RBM6: variants seen among roughly 807,000 people sequenced by gnomAD.
The protein encoded by RBM6 is RNA-binding protein 6.
RBM6 carries 23 observed loss-of-function variants against 140.4 expected under a neutral mutation model. The observed-to-expected ratio is 0.16, with a 90% CI of 0.12 to 0.23. The LOEUF is 0.23. RBM6 is among the 10% of genes least tolerant of loss of function. The pLI, the probability that RBM6 is intolerant of heterozygous loss-of-function variation, is 1.00. For missense variants in RBM6, 1,139 were observed against 1,386.7 expected (o/e 0.82, Z 2.84); for synonymous variants, 439 against 475.6 (o/e 0.92, Z 1.00).
At position 50,015,538 on chromosome 3, in the gene RBM6, C is replaced by T. The variant is rs2087094535; in HGVS notation, c.1557+16025C>T. Among the ~76,000 whole-genome samples, 3 of 150,164 alleles carry T rather than the reference C, an allele frequency of 2.0e-5. No individual in the cohort carries two copies. The South Asian group carries it at 6.3e-4, about 32-fold the overall frequency. ...CTCCGCCTCCTGGGTTCATGCCATT[C>T]TCCTGCCTCAGCCTCCTGAGTAGCT... On this transcript the variant is annotated intron_variant, in intron 6 of 20. Coordinates refer to ENST00000266022, the MANE Select transcript of RBM6 (RefSeq NM_005777.3).
At chr3:50,069,969 A>G (rs986108708) in intron 18 of RBM6, among the ~76,000 whole-genome samples, 3 of 152,122 alleles carry the variant, frequency 2.0e-5, no homozygotes, top group African/African-American at 7.2e-5. Context: ...ATTCTTTCCA[A>G]ATGTTTAAGT....
intron 5 of RBM6, 58 bp downstream of exon 5, chr3:49,975,450 G>A: frequency 7.4e-7 from 1 of 1,348,428 alleles, no homozygotes; most frequent in Non-Finnish European, 1.0e-6. Context: ...TCAGATCTCT[G>A]CATCATGTGC....
intron 5 of RBM6, among the ~76,000 whole-genome samples, chr3:49,977,666 G>T (rs2085118499): frequency 6.6e-6 from 1 of 152,192 alleles, no homozygotes; most frequent in Non-Finnish European, 1.5e-5. Flanking sequence ...ATTATTTATG[G>T]TGTATGTGAA....
At chr3:50,023,239 T>G (rs1468236570) in intron 6 of RBM6, among the ~76,000 whole-genome samples, 1 of 152,214 alleles carries the variant, frequency 6.6e-6, no homozygotes, top group African/African-American at 2.4e-5. Context: ...TTCTTCTTTC[T>G]TCTTTTTCTG....
chr3:50,067,658 C>T (rs917076041), intron 17 of RBM6, among the ~76,000 whole-genome samples: 3 of 152,288 alleles, frequency 2.0e-5, no homozygotes, highest in South Asian at 2.1e-4. Context: ...CATTGGTCTT[C>T]CCCTGTAGTA....
chr3:49,964,782 A>G (rs1394229437), intron 2 of RBM6, among the ~76,000 whole-genome samples: 2 of 152,194 alleles, frequency 1.3e-5, no homozygotes, highest in African/African-American at 4.8e-5. Flanking sequence ...GGTTTAGGTA[A>G]GCATTCAGAA....
rs1483932105 is a variant in RBM6 at position 50,012,875 on chromosome 3, T to C, written c.1557+13362T>C. Among the ~76,000 whole-genome samples, 4 of 151,760 alleles carry C rather than the reference T, an allele frequency of 2.6e-5. No homozygotes were observed. In the East Asian group the frequency reaches 7.8e-4, roughly 30 times the overall value. On this transcript the variant is annotated intron_variant, in intron 6 of 20. Coordinates refer to ENST00000266022, the MANE Select transcript of RBM6 (RefSeq NM_005777.3). ...CTCCTGCCTCAGCCTCCCAAGTAAT[T>C]GGGATTACAGCCATGCGCCACCACG... is the stretch of plus-strand genomic sequence containing the variant.
intron 6 of RBM6, among the ~76,000 whole-genome samples, chr3:50,036,028 G>T (rs1245058940): frequency 6.6e-6 from 1 of 152,022 alleles, no homozygotes; most frequent in Non-Finnish European, 1.5e-5. Flanking sequence ...CCAAAGTGCT[G>T]GGATTACAGA....
chr3:50,010,882 G>GAC (rs2086810969), intron 6 of RBM6, among the ~76,000 whole-genome samples: 1 of 102,412 alleles, frequency 9.8e-6, no homozygotes, highest in Non-Finnish European at 1.7e-5. Flanking sequence ...CAGCCTGGGC[G>GAC]ACAGAGCAAG....
intron 6 of RBM6, among the ~76,000 whole-genome samples, chr3:50,039,489 C>G (rs1030592032): frequency 2.2e-5 from 3 of 139,514 alleles, no homozygotes; most frequent in Non-Finnish European, 4.8e-5. Flanking sequence ...TCCACCCCCC[C>G]CCCCCCCACC....
chr3:50,054,465 C>A, intron 8 of RBM6, 70 bp downstream of exon 8: 2 of 1,338,536 alleles, frequency 1.5e-6, no homozygotes, highest in Non-Finnish European at 2.1e-6. Context: ...TTTTCCTTGG[C>A]TTTGAAGAAT....
At chr3:50,006,862 G>A (rs1448143325) in intron 6 of RBM6, among the ~76,000 whole-genome samples, 1 of 151,338 alleles carries the variant, frequency 6.6e-6, no homozygotes, top group East Asian at 2.0e-4. Flanking sequence ...GAACTGGGAG[G>A]CGGAGCTTGC....
chr3:50,041,856 T>C (rs2088938808), intron 6 of RBM6, among the ~76,000 whole-genome samples: 1 of 152,220 alleles, frequency 6.6e-6, no homozygotes, highest in Admixed American at 6.5e-5. Context: ...CTTTAGACTC[T>C]ACTGTATCTT....
In RBM6 at chr3:50,008,546, C is replaced by CTTT. The variant is rs5848909; in HGVS notation, c.1557+9057_1557+9059dup. Among the ~76,000 whole-genome samples, 93 of 73,716 alleles carry CTTT rather than the reference C, an allele frequency of 1.3e-3. 1 individual carries two copies. Among genetic ancestry groups the CTTT allele is most frequent in the South Asian group, 6.2e-3 (8 of 1,284 alleles). The allele number at this position is 73,716 out of a possible 152,430, so 48.4% of individuals were successfully genotyped here. On this transcript the variant is annotated intron_variant, in intron 6 of 20. Transcript: ENST00000266022. ...TCATTACCTCCTGGCTCTTTTGTAA[C>CTTT]TTTTTTTTTTTTTTTTTTTTTTTTT...
chr3:49,981,903 C>T (rs2085320650), intron 5 of RBM6, among the ~76,000 whole-genome samples: 1 of 152,098 alleles, frequency 6.6e-6, no homozygotes, highest in Non-Finnish European at 1.5e-5. Context: ...GGATTTATAT[C>T]ATTTAAGCAA....
chr3:50,048,151 T>C, intron 6 of RBM6, 94 bp from the exon 7 acceptor site: 2 of 1,525,402 alleles, frequency 1.3e-6, no homozygotes. Flanking sequence ...ATAAAATGTT[T>C]CAGCTTGGGG....
chr3:50,061,666 A>T, intron 14 of RBM6, 119 bp downstream of exon 14: 1 of 1,474,866 alleles, frequency 6.8e-7, no homozygotes, highest in South Asian at 1.4e-5. Context: ...CTGGATGCTC[A>T]TTGCATGAAA....
chr3:49,951,953 T>C (rs1288818134), intron 1 of RBM6, among the ~76,000 whole-genome samples: 1 of 151,992 alleles, frequency 6.6e-6, no homozygotes, highest in Non-Finnish European at 1.5e-5. Context: ...GATCTCCTGA[T>C]CTTGTGGTCC....
chr3:50,075,151 C>G, intron 19 of RBM6, 50 bp from the exon 20 acceptor site: 10 of 1,571,326 alleles, frequency 6.4e-6, no homozygotes, highest in Non-Finnish European at 8.7e-6. Context: ...AGTGAAACTC[C>G]GTCTCAAAAA....
Sources: allele counts gnomAD v4.1 joint callset (sites outside exome capture counted in the v4.1 genomes callset), GRCh38; gene constraint gnomAD v4.1.1; transcripts MANE v1.5; gene names NCBI Gene and HGNC (gene_info 2026-07-23, HGNC 2026-07-21).